CASK: variants seen among roughly 807,000 people sequenced by gnomAD.
The protein encoded by CASK is peripheral plasma membrane protein CASK.
CASK carries 4 observed loss-of-function variants against 82.9 expected under a neutral mutation model. That is an observed-to-expected ratio of 0.05 (90% CI 0.02 to 0.11). CASK has a LOEUF of 0.11. Ranked by LOEUF, CASK falls within the 10% of genes least tolerant of loss-of-function variation. The pLI, the probability that CASK is intolerant of heterozygous loss-of-function variation, is 1.00. For synonymous variants in CASK, 259 were observed against 253.5 expected, an observed-to-expected ratio of 1.02 and a Z score of -0.20; for missense variants, 358 against 720.9, an observed-to-expected ratio of 0.50 and a Z score of 5.76.
At chrX:41,848,546 A>G (rs764098874) in intron 2 of CASK, among the ~76,000 whole-genome samples, 14 of 112,082 alleles carry the variant, frequency 1.2e-4, no homozygotes, top group African/African-American at 4.2e-4. Flanking sequence ...CCTCACCAGA[A>G]GCAGATGCTG....
In CASK at chrX:41,517,007, C is replaced by T. The variant is rs2064560119; in HGVS notation, c.*3413G>A. ...CTTTTTCAAGAAATAAACTTGAAGC[C>T]TTAATGAAGAGACAAATACAAGTGA... On this transcript the variant is annotated 3_prime_UTR_variant, in exon 27 of 27. Coordinates refer to ENST00000378163, the MANE Select transcript of CASK (RefSeq NM_001367721.1). The T allele has an allele frequency of 8.9e-6, 1 of 111,948 alleles. No homozygotes were observed. The highest frequency in any genetic ancestry group is 1.9e-5 in the Non-Finnish European group (1 of 53,168). The allele number at this position is 111,948 out of a possible 1,213,427, so 9.2% of individuals were successfully genotyped here.
intron 1 of CASK, among the ~76,000 whole-genome samples, chrX:41,898,287 T>C (rs2072307753): frequency 8.9e-6 from 1 of 111,900 alleles, no homozygotes; most frequent in Admixed American, 9.4e-5. Flanking sequence ...TATAAACCTT[T>C]GTATCTCTTT....
chrX:41,822,879 T>C (rs1163221524), intron 2 of CASK, among the ~76,000 whole-genome samples: 1 of 110,488 alleles, frequency 9.1e-6, no homozygotes, highest in Non-Finnish European at 1.9e-5. Context: ...GATTCCTTTG[T>C]CCATCATGTC....
At chrX:41,535,803 C>T (rs927780550) in intron 22 of CASK, among the ~76,000 whole-genome samples, 2 of 111,898 alleles carry the variant, frequency 1.8e-5, no homozygotes, top group African/African-American at 3.3e-5. Flanking sequence ...TTTTCTGAAA[C>T]CTGCCTCTTA....
chrX:41,846,439 G>A (rs988819385), intron 2 of CASK, among the ~76,000 whole-genome samples: 1 of 108,630 alleles, frequency 9.2e-6, no homozygotes, highest in Non-Finnish European at 1.9e-5. Context: ...GGGTAGTTGG[G>A]GGGGCGGGGG....
At chrX:41,597,265 A>C (rs1057141437) in intron 12 of CASK, among the ~76,000 whole-genome samples, 1 of 112,261 alleles carries the variant, frequency 8.9e-6, no homozygotes, top group African/African-American at 3.2e-5. Flanking sequence ...CAGAATGTAT[A>C]CTGTTTCAGA....
intron 1 of CASK, among the ~76,000 whole-genome samples, chrX:41,857,039 T>C (rs1344694404): frequency 2.7e-5 from 3 of 110,778 alleles, no homozygotes; most frequent in Non-Finnish European, 5.7e-5. Context: ...GACCTAAAGA[T>C]AATGAAGAGG....
chrX:41,746,349 G>A (rs188474040), intron 3 of CASK, among the ~76,000 whole-genome samples: 3 of 110,638 alleles, frequency 2.7e-5, no homozygotes, highest in Non-Finnish European at 5.7e-5. Context: ...TGTATATATT[G>A]CTTTTCATTT....
At chrX:41,903,596 C>T (rs768788347) in intron 1 of CASK, among the ~76,000 whole-genome samples, 1 of 112,004 alleles carries the variant, frequency 8.9e-6, no homozygotes, top group South Asian at 3.8e-4. Flanking sequence ...CCTAGTAGAA[C>T]AGTCAAAGGG....
At chrX:41,703,311 T>C (rs1268008503) in intron 5 of CASK, among the ~76,000 whole-genome samples, 1 of 112,345 alleles carries the variant, frequency 8.9e-6, no homozygotes, top group Non-Finnish European at 1.9e-5. Flanking sequence ...AAATGTTAGA[T>C]ATATTAAAGC....
At chrX:41,622,526 C>A in intron 11 of CASK, 91 bp downstream of exon 11, 1 of 720,423 alleles carries the variant, frequency 1.4e-6, no homozygotes, top group South Asian at 3.0e-5. Flanking sequence ...CACAAACAGC[C>A]AAGGAAAAAG....
intron 11 of CASK, among the ~76,000 whole-genome samples, chrX:41,622,013 TCA>T (rs1415373075): frequency 8.9e-6 from 1 of 112,196 alleles, no homozygotes; most frequent in East Asian, 2.8e-4. Flanking sequence ...TCAGATTGCC[TCA>T]GTTTTACATG....
At chrX:41,920,498 T>C (rs1022040912) in intron 1 of CASK, among the ~76,000 whole-genome samples, 24 of 112,189 alleles carry the variant, frequency 2.1e-4, no homozygotes, top group African/African-American at 6.2e-4. Context: ...TGGCATTTTA[T>C]AATTGGCACT....
intron 16 of CASK, among the ~76,000 whole-genome samples, chrX:41,565,974 C>T (rs1258983636): frequency 2.7e-5 from 3 of 111,861 alleles, no homozygotes; most frequent in Admixed American, 9.5e-5. Context: ...ACAGAACCAA[C>T]GACAAAAACC....
At chrX:41,541,884 T>G (rs1215209906) in intron 22 of CASK, among the ~76,000 whole-genome samples, 1 of 111,250 alleles carries the variant, frequency 9.0e-6, no homozygotes, top group Non-Finnish European at 1.9e-5. Context: ...ATAAAAGGAG[T>G]TGTATTAAGA....
At chrX:41,683,750 A>G (rs1257332236) in intron 5 of CASK, among the ~76,000 whole-genome samples, 1 of 112,098 alleles carries the variant, frequency 8.9e-6, no homozygotes, top group Non-Finnish European at 1.9e-5. Flanking sequence ...TCAAGGGTCA[A>G]CTGTAATCTT....
intron 1 of CASK, among the ~76,000 whole-genome samples, chrX:41,904,840 G>A (rs975566751): frequency 7.2e-5 from 8 of 111,354 alleles, no homozygotes; most frequent in African/African-American, 2.3e-4. Context: ...AGAACATGTG[G>A]TATTTGGTTT....
At chrX:41,559,215 G>A (rs1418845832) in intron 18 of CASK, 2 of 113,654 alleles carry the variant, frequency 1.8e-5, no homozygotes, top group Non-Finnish European at 3.7e-5. Context: ...AAACTTACTT[G>A]TTTACAGATC....
intron 21 of CASK, among the ~76,000 whole-genome samples, chrX:41,543,534 T>A (rs934948904): frequency 8.9e-6 from 1 of 112,261 alleles, no homozygotes; most frequent in African/African-American, 3.2e-5. Context: ...AAATTCACAG[T>A]TATAACCACA....
Sources: gnomAD v4.1 joint callset for allele counts (sites outside exome capture counted in the v4.1 genomes callset) on GRCh38, gnomAD v4.1.1 for gene constraint, MANE v1.5 for transcripts, NCBI Gene and HGNC (gene_info 2026-07-23, HGNC 2026-07-21) for gene names.